HECTD4: variants seen among roughly 807,000 people sequenced by gnomAD.
HECTD4 encodes HECT domain E3 ubiquitin protein ligase 4.
In HECTD4, 114 loss-of-function variants were observed where a neutral mutation model predicts 471.5. The ratio of observed to expected loss-of-function variants is 0.24; its 90% confidence interval spans 0.21 to 0.28. HECTD4 has a LOEUF of 0.28. Among genes scored for constraint, HECTD4 ranks in the 10% least tolerant of loss-of-function variants. The pLI, the probability that HECTD4 is intolerant of heterozygous loss-of-function variation, is 1.00. For missense variants in HECTD4, 3,866 were observed against 5,651.5 expected (o/e 0.68, Z 10.13); for synonymous variants, 2,012 against 2,256.0 (o/e 0.89, Z 3.07).
rs2032155567 is a variant in HECTD4, at chr12:112,193,757, C to A, written c.8750-83G>T. The A allele has an allele frequency of 2.3e-6, 3 of 1,281,618 alleles. No individual in the cohort carries two copies. Among genetic ancestry groups the A allele is most frequent in the South Asian group, 2.6e-5 (2 of 77,320 alleles). 79.4% of individuals were successfully genotyped at this position (1,281,618 alleles called of 1,614,324 possible). The stretch of plus-strand genomic sequence containing the variant: ...AGTCTAAGTAACAGAAAATGAATAA[C>A]CCATCCAGAAACCCCAGATGGGAGG... On this transcript the variant is annotated intron_variant, in intron 56 of 75. Coordinates refer to ENST00000682272, the MANE Select transcript of HECTD4 (RefSeq NM_001388303.1). This position sits in a 1 kb window ranked among gnomAD's most constrained non-coding sequence, Gnocchi z 5.2.
At chr12:112,250,848 G>T (rs1218414990) in intron 24 of HECTD4, 123 bp downstream of exon 24, 3 of 874,076 alleles carry the variant, frequency 3.4e-6, no homozygotes, top group South Asian at 1.8e-5. Context: ...TAGACACAAT[G>T]ACACCCATGA....
At chr12:112,219,757 G>A (rs893173173) in intron 44 of HECTD4, among the ~76,000 whole-genome samples, 6 of 152,038 alleles carry the variant, frequency 3.9e-5, no homozygotes, top group Admixed American at 3.3e-4. Flanking sequence ...ATGCCACCGC[G>A]CCCGGTTAAT....
intron 4 of HECTD4, among the ~76,000 whole-genome samples, chr12:112,312,056 C>T (rs1566107840): frequency 6.6e-6 from 1 of 152,178 alleles, no homozygotes; most frequent in Non-Finnish European, 1.5e-5. Context: ...TTAGATTCTC[C>T]TCCGTGCTGG....
chr12:112,256,198 C>T (rs2034006525), intron 21 of HECTD4, 122 bp downstream of exon 21: 2 of 699,894 alleles, frequency 2.9e-6, no homozygotes, highest in Non-Finnish European at 2.2e-6. Context: ...GGAAAGTTCT[C>T]CTTAGAGATA....
intron 1 of HECTD4, among the ~76,000 whole-genome samples, chr12:112,370,705 A>G (rs1034518046): frequency 6.6e-6 from 1 of 152,212 alleles, no homozygotes; most frequent in African/African-American, 2.4e-5. Flanking sequence ...TCCAAATTAG[A>G]GATGGTGCTT....
Position 112,371,902 on chromosome 12 carries a change from A to AG in HECTD4, c.177+10049_177+10050insC, listed in dbSNP as rs1420152559. Among the ~76,000 whole-genome samples the AG allele has an allele frequency of 2.5e-4, 37 of 150,904 alleles. No individual in the cohort carries two copies. In the East Asian group the frequency reaches 6.8e-3, roughly 28 times the overall value. ...ACTCTGTCTCAAAAAAAAAAAAAAA[A>AG]AAAAAGAAAAAAGAAAATTCCGCAG... On this transcript the variant is annotated intron_variant, in intron 1 of 75. Transcript: ENST00000682272.
intron 21 of HECTD4, among the ~76,000 whole-genome samples, chr12:112,254,862 T>A (rs2033973136): frequency 1.3e-5 from 2 of 152,224 alleles, no homozygotes; most frequent in Non-Finnish European, 2.9e-5. Flanking sequence ...CATTTGGCAT[T>A]CAAAGACTTC....
intron 1 of HECTD4, among the ~76,000 whole-genome samples, chr12:112,342,945 C>T (rs964897173): frequency 1.7e-4 from 26 of 152,164 alleles, no homozygotes; most frequent in African/African-American, 6.3e-4. Flanking sequence ...CCTTCAAAAA[C>T]ACTGTAATTT....
chr12:112,262,515 CAAAAAAAAAAAAAA>C (rs758273849), intron 17 of HECTD4, among the ~76,000 whole-genome samples: 37 of 19,764 alleles, frequency 1.9e-3, no homozygotes, highest in African/African-American at 5.0e-3. Context: ...GACTCCATCT[CAAAAAAAAAAAAAA>C]AAAAAAAAAA....
At position 112,185,078 on chromosome 12, in the gene HECTD4, C is replaced by G; in HGVS notation, c.9888G>C (p.Ser3296=). The change falls in exon 61 of 76, where the codon TCG becomes TCC. Residue 3296 remains serine (S), a synonymous_variant. Coordinates refer to ENST00000682272, the MANE Select transcript of HECTD4 (RefSeq NM_001388303.1). ...PNLSDSSSSS[S]SSPGQTPQSP... The stretch of plus-strand genomic sequence containing the variant: ...TCTGTGGGGTCTGTCCTGGGGAGGA[C>G]GAGGAGGAGGAGGACGAGTCACTGA... 1 of 1,580,892 alleles carries G rather than the reference C, an allele frequency of 6.3e-7. No homozygotes were observed. Among genetic ancestry groups the G allele is most frequent in the Non-Finnish European group, 8.6e-7 (1 of 1,163,114 alleles).
intron 4 of HECTD4, 92 bp downstream of exon 4, chr12:112,312,925 A>T: frequency 1.0e-6 from 1 of 984,296 alleles, no homozygotes. Flanking sequence ...AAAGGAACAT[A>T]CAGAGTTATA....
Position 112,228,849 on chromosome 12 carries a change from T to C in HECTD4, c.6520-38A>G, listed in dbSNP as rs376843315. On this transcript the variant is annotated intron_variant, in intron 41 of 75. Transcript: ENST00000682272. The surrounding 1 kb of genome is among the most constrained non-coding windows in gnomAD (Gnocchi z 4.9). ...ATAGATTAGCACTACCAACCAGCTC[T>C]GACGTGTGGGCAGCTGTCTTACGAG... The C allele has an allele frequency of 2.5e-6, 4 of 1,580,246 alleles. No homozygotes were observed. Among genetic ancestry groups the C allele is most frequent in the Non-Finnish European group, 3.4e-6 (4 of 1,162,452 alleles).
chr12:112,299,165 C>CTATAGG (rs2035111264), intron 7 of HECTD4, among the ~76,000 whole-genome samples: 1 of 152,158 alleles, frequency 6.6e-6, no homozygotes, highest in Non-Finnish European at 1.5e-5. Flanking sequence ...TATTGCCACA[C>CTATAGG]CTGTTTAACC....
chr12:112,219,320 C>T (rs2033022662), intron 45 of HECTD4, 66 bp downstream of exon 45: 22 of 1,163,430 alleles, frequency 1.9e-5, no homozygotes, highest in Non-Finnish European at 2.8e-5. Flanking sequence ...CCTTAACTTG[C>T]TGCTGGCCTT....
chr12:112,370,503 CAG>C (rs2036645062), intron 1 of HECTD4, among the ~76,000 whole-genome samples: 1 of 151,958 alleles, frequency 6.6e-6, no homozygotes, highest in South Asian at 2.1e-4. Flanking sequence ...TATGGAGACA[CAG>C]AATGATCAAA....
chr12:112,280,784 CTT>C lies in HECTD4; in HGVS notation c.1529-1400_1529-1399del, dbSNP rs569956040. Among the ~76,000 whole-genome samples the C allele has an allele frequency of 0.044, 5,108 of 115,128 alleles. 447 individuals are homozygous for C. The East Asian group carries it at 0.52, about 12-fold the overall frequency. 75.5% of individuals were successfully genotyped at this position (115,128 alleles called of 152,430 possible). ...GTATTAGTTTTTAATGGAATAAAAA[CTT>C]TTTTTTTTTTTTTTTTTTGAGACTG... On this transcript the variant is annotated intron_variant, in intron 8 of 75. Transcript: ENST00000682272.
At chr12:112,175,625 T>C in intron 66 of HECTD4, 111 bp downstream of exon 66, 2 of 1,285,336 alleles carry the variant, frequency 1.6e-6, no homozygotes, top group Non-Finnish European at 2.1e-6. Flanking sequence ...ACGAAATAAC[T>C]CAGAAAGCAT....
chr12:112,230,884 G>C, intron 39 of HECTD4, 62 bp from the exon 40 acceptor site: 1 of 1,507,284 alleles, frequency 6.6e-7, no homozygotes. Context: ...CAGGGAAGTG[G>C]CTTTCAGGGT....
At chr12:112,324,103 C>CTT (rs2035691172) in intron 1 of HECTD4, among the ~76,000 whole-genome samples, 3 of 55,424 alleles carry the variant, frequency 5.4e-5, no homozygotes, top group African/African-American at 1.3e-4. Context: ...TCTTTCTTTC[C>CTT]TCTCTCTCTT....
Sources: gnomAD v4.1 joint callset for allele counts (sites outside exome capture counted in the v4.1 genomes callset) on GRCh38, gnomAD v4.1.1 for gene constraint, Gnocchi (gnomAD v3.1) non-coding constraint, MANE v1.5 for transcripts, NCBI Gene and HGNC (gene_info 2026-07-23, HGNC 2026-07-21) for gene names.